The following PDE10A variants were observed in gnomAD, a reference collection of about 807,000 sequenced individuals.
PDE10A encodes the protein phosphodiesterase 10A.
Under a neutral mutation model 97.7 loss-of-function variants are expected in PDE10A, and 39 were observed. The observed-to-expected ratio is 0.40, with a 90% CI of 0.31 to 0.52. PDE10A has a LOEUF of 0.52. PDE10A is among the 20% of genes least tolerant of loss of function. PDE10A has a pLI of 0.56. For missense variants in PDE10A, 731 were observed against 1,047.8 expected, an observed-to-expected ratio of 0.70 and a Z score of 4.17; for synonymous variants, 371 against 376.8, an observed-to-expected ratio of 0.98 and a Z score of 0.18.
chr6:165,757,970 C>T (rs2128457316), intron 1 of PDE10A, among the ~76,000 whole-genome samples: 1 of 152,180 alleles, frequency 6.6e-6, no homozygotes, highest in Non-Finnish European at 1.5e-5. Context: ...TATTTGAGGT[C>T]TCCAGAGACA....
At chr6:165,768,372 A>G (rs1777920283) in intron 1 of PDE10A, among the ~76,000 whole-genome samples, 1 of 152,162 alleles carries the variant, frequency 6.6e-6, no homozygotes, top group African/African-American at 2.4e-5. Context: ...TCCTGAAGAT[A>G]TACACATAGG....
intron 13 of PDE10A, 28 bp from the exon 14 acceptor site, chr6:165,396,487 C>T (rs1196829654): frequency 7.0e-6 from 11 of 1,573,478 alleles, no homozygotes; most frequent in Non-Finnish European, 9.5e-6. Context: ...AAAAAAAACC[C>T]CCAAAATTAA....
At chr6:165,730,046 C>T (rs563561553) in intron 1 of PDE10A, among the ~76,000 whole-genome samples, 4 of 151,550 alleles carry the variant, frequency 2.6e-5, no homozygotes, top group South Asian at 4.2e-4. Context: ...GAGATATATA[C>T]GTATATGAAT....
chr6:165,434,803 C>T (rs1789880778), intron 6 of PDE10A, among the ~76,000 whole-genome samples: 1 of 152,176 alleles, frequency 6.6e-6, no homozygotes, highest in Non-Finnish European at 1.5e-5. Flanking sequence ...ATCCAACTGA[C>T]AGCAGTCCAG....
At chr6:165,838,877 C>G (rs1182244057) in intron 1 of PDE10A, among the ~76,000 whole-genome samples, 1 of 152,242 alleles carries the variant, frequency 6.6e-6, no homozygotes, top group Admixed American at 6.5e-5. Context: ...AGGCCAGCCT[C>G]CCTCTGCCCT....
At chr6:165,659,311 G>C (rs770895121) in intron 1 of PDE10A, among the ~76,000 whole-genome samples, 1 of 151,860 alleles carries the variant, frequency 6.6e-6, no homozygotes, top group African/African-American at 2.4e-5. Context: ...TCAACAATTA[G>C]ACACATTTGT....
chr6:165,935,880 T>C (rs1186623655), intron 1 of PDE10A, among the ~76,000 whole-genome samples: 1 of 152,222 alleles, frequency 6.6e-6, no homozygotes, highest in Non-Finnish European at 1.5e-5. Context: ...TCTCACAAGA[T>C]ACAGCCCCTC....
chr6:165,332,935 T>TGG lies in PDE10A; in HGVS notation c.*89_*90insCC. On this transcript the variant is annotated 3_prime_UTR_variant, in exon 22 of 22. Transcript: ENST00000539869. ...TGCACCCCAGTTACCAGGTGCAGGT[T>TGG]CCCCCCACCCCCCCCAAAAAAAGGA... 1.2e-5 allele frequency: 7 copies of TGG among 593,426 alleles called. No individual in the cohort carries two copies. Among genetic ancestry groups the TGG allele is most frequent in the Admixed American group, 2.0e-5 (1 of 48,972 alleles). 36.8% of individuals were successfully genotyped at this position (593,426 alleles called of 1,614,324 possible).
At position 165,844,397 on chromosome 6, in the gene PDE10A, C is replaced by G. The variant is rs116673410; in HGVS notation, c.-615+143132G>C. On this transcript the variant is annotated intron_variant, in intron 1 of 19. Coordinates refer to the PDE10A transcript ENST00000366882. Reference sequence around the variant, plus strand: ...TCATGAAAACTTATCTCGAAGGCTTCAGAGAAAAGTGTGTTGCATAATATG... The same window carrying G: ...TCATGAAAACTTATCTCGAAGGCTTGAGAGAAAAGTGTGTTGCATAATATG... 5.1e-3 allele frequency among the ~76,000 whole-genome samples: 771 copies of G among 152,226 alleles called. 10 individuals carry two copies. Among genetic ancestry groups the G allele is most frequent in the African/African-American group, 0.018 (736 of 41,534 alleles).
In PDE10A at chr6:165,373,678, C is replaced by A. The variant is rs556520044; in HGVS notation, c.2783+5516G>T. ...CATTGTGGAAGTCAGTGTGGCGATT[C>A]CTCAGGGATCTAGAACTAGAAATAC... On this transcript the variant is annotated intron_variant, in intron 18 of 21. Coordinates refer to ENST00000539869, the MANE Select transcript of PDE10A (RefSeq NM_001385079.1). Among the ~76,000 whole-genome samples, 436 of 152,158 alleles carry A rather than the reference C, an allele frequency of 2.9e-3. 2 individuals are homozygous for A. Among genetic ancestry groups the A allele is most frequent in the African/African-American group, 0.01 (421 of 41,478 alleles).
intron 1 of PDE10A, among the ~76,000 whole-genome samples, chr6:165,564,257 G>C (rs1784665912): frequency 6.6e-6 from 1 of 152,288 alleles, no homozygotes; most frequent in African/African-American, 2.4e-5. Context: ...AGAAACATGA[G>C]AGCTGGTGCT....
At chr6:165,386,959 T>A (rs776418354) in intron 17 of PDE10A, among the ~76,000 whole-genome samples, 47 of 152,016 alleles carry the variant, frequency 3.1e-4, no homozygotes, top group Non-Finnish European at 5.3e-4. Context: ...GGGCGTGCAG[T>A]GAGCCCAGAT....
intron 1 of PDE10A, among the ~76,000 whole-genome samples, chr6:165,715,603 T>G (rs907189723): frequency 6.6e-6 from 1 of 152,074 alleles, no homozygotes; most frequent in Non-Finnish European, 1.5e-5. Flanking sequence ...CCCATGCACA[T>G]GCATGTACAC....
intron 1 of PDE10A, among the ~76,000 whole-genome samples, chr6:165,845,341 A>G (rs1232213033): frequency 6.6e-6 from 1 of 152,236 alleles, no homozygotes; most frequent in African/African-American, 2.4e-5. Flanking sequence ...CTAACTGAAT[A>G]GAAAGGAAAA....
chr6:165,718,729 AG>A, intron 1 of PDE10A, among the ~76,000 whole-genome samples: 1 of 152,238 alleles, frequency 6.6e-6, no homozygotes, highest in South Asian at 2.1e-4. Context: ...ATTGAAGTTT[AG>A]GGAGTCATCC....
At chr6:165,563,483 G>A (rs910593697) in intron 1 of PDE10A, among the ~76,000 whole-genome samples, 7 of 152,076 alleles carry the variant, frequency 4.6e-5, no homozygotes, top group African/African-American at 1.7e-4. Flanking sequence ...CTTGAGTGAT[G>A]CAGCCTTTCT....
chr6:165,973,368 G>A (rs560482358), intron 1 of PDE10A, among the ~76,000 whole-genome samples: 86 of 151,296 alleles, frequency 5.7e-4, no homozygotes, highest in African/African-American at 1.9e-3. Flanking sequence ...AGCCAAGACC[G>A]CATCATTGCA....
At chr6:165,663,690 G>A (rs138859474), upstream of PDE10A, among the ~76,000 whole-genome samples, 42 of 152,164 alleles carry the variant, frequency 2.8e-4, no homozygotes, top group African/African-American at 1.0e-3. Context: ...ACTCCCTTTC[G>A]CATACTCACT....
chr6:165,701,365 T>TAAAA lies in PDE10A; in HGVS notation c.-614-157798_-614-157797insTTTT, dbSNP rs1370853251. On this transcript the variant is annotated intron_variant, in intron 1 of 19. Coordinates refer to the PDE10A transcript ENST00000366882. The stretch of plus-strand genomic sequence containing the variant: ...TGACACAATTTGCCACTGTCACTGT[T>TAAAA]CTTTATGATTTTTCAAGAGAATGCT... Among the ~76,000 whole-genome samples, 545 of 152,318 alleles carry TAAAA rather than the reference T, an allele frequency of 3.6e-3. 2 individuals are homozygous for TAAAA. Among genetic ancestry groups the TAAAA allele is most frequent in the African/African-American group, 0.012 (505 of 41,566 alleles).
Sources: gnomAD v4.1 joint callset for allele counts (sites outside exome capture counted in the v4.1 genomes callset) on GRCh38, gnomAD v4.1.1 for gene constraint, MANE v1.5 for transcripts, NCBI Gene and HGNC (gene_info 2026-07-23, HGNC 2026-07-21) for gene names.